The following CCDC81 variants were observed in gnomAD, a reference collection of about 807,000 sequenced individuals.
CCDC81 encodes the protein coiled-coil domain containing 81, also known as coiled-coil domain-containing protein 81.
CCDC81 carries 79 observed loss-of-function variants against 83.7 expected under a neutral mutation model. That is an observed-to-expected ratio of 0.94 (90% CI 0.79 to 1.14). The LOEUF (loss-of-function observed/expected upper bound fraction) is 1.14. Ranked by LOEUF, CCDC81 falls within the 50% of genes most tolerant of loss-of-function variation. The pLI, the probability that CCDC81 is intolerant of heterozygous loss-of-function variation, is 0.00. For missense variants in CCDC81, 791 were observed against 778.1 expected, an observed-to-expected ratio of 1.02 and a Z score of -0.20; for synonymous variants, 252 against 278.1, an observed-to-expected ratio of 0.91 and a Z score of 0.93.
chr11:86,411,103 C>T (rs889083443), intron 10 of CCDC81, among the ~76,000 whole-genome samples: 5 of 152,206 alleles, frequency 3.3e-5, no homozygotes, highest in African/African-American at 4.8e-5. Flanking sequence ...CCACTGGCCT[C>T]CCATTGAGTT....
At chr11:86,381,499 CTCTTGGTGTTG>C (rs1273953975) in intron 1 of CCDC81, among the ~76,000 whole-genome samples, 3 of 152,154 alleles carry the variant, frequency 2.0e-5, no homozygotes, top group African/African-American at 7.2e-5. Context: ...GAGGTTTTAA[CTCTTGGTGTTG>C]TCCACACTGA....
rs373579337 is a variant in CCDC81 at position 86,422,403 on chromosome 11, C to G, written c.1818-171C>G. 7.2e-5 allele frequency among the ~76,000 whole-genome samples: 11 copies of G among 152,078 alleles called. No individual in the cohort carries two copies. In the East Asian group the frequency reaches 7.7e-4, roughly 11 times the overall value. ...TTTTTATTTAGTAGAGAACGACAAG[C>G]CAGCAGAAGTCTGGAAGCAGGGGAT... On this transcript the variant is annotated intron_variant, in intron 14 of 14. Coordinates refer to ENST00000445632, the MANE Select transcript of CCDC81 (RefSeq NM_001156474.2).
chr11:86,393,803 G>C (rs1948367244), intron 4 of CCDC81, among the ~76,000 whole-genome samples: 1 of 152,170 alleles, frequency 6.6e-6, no homozygotes. Flanking sequence ...TACTTAGTGT[G>C]CCTCAGGTAC....
intron 6 of CCDC81, 32 bp downstream of exon 6, chr11:86,397,774 ACTCTTTACTGCTAT>A (rs1254751339): frequency 5.6e-6 from 9 of 1,601,940 alleles, no homozygotes; most frequent in Non-Finnish European, 7.7e-6. Flanking sequence ...CCAATCTGTC[ACTCTTTACTGCTAT>A]GAGCCCAGCC....
intron 1 of CCDC81, among the ~76,000 whole-genome samples, chr11:86,384,927 T>A (rs1487730969): frequency 6.6e-6 from 1 of 152,236 alleles, no homozygotes; most frequent in African/African-American, 2.4e-5. Flanking sequence ...AACACTTTCA[T>A]TATTGGCAAC....
intron 11 of CCDC81, 157 bp from the exon 12 acceptor site, chr11:86,414,632 C>T (rs1948690320): frequency 1.7e-6 from 1 of 599,810 alleles, no homozygotes; most frequent in South Asian, 2.3e-5. Flanking sequence ...TTACTCTTTT[C>T]TTTCTTAAAA....
intron 2 of CCDC81, among the ~76,000 whole-genome samples, chr11:86,386,454 G>A (rs150217194): frequency 4.0e-4 from 61 of 152,336 alleles, no homozygotes; most frequent in African/African-American, 1.5e-3. Context: ...CATAGCTATA[G>A]AAGGATATAA....
At chr11:86,389,004 G>A (rs1194315638) in intron 3 of CCDC81, among the ~76,000 whole-genome samples, 1 of 152,056 alleles carries the variant, frequency 6.6e-6, no homozygotes, top group East Asian at 1.9e-4. Context: ...GGCCGGGCAT[G>A]GTGGCACATG....
At chr11:86,401,638 G>C (rs1285662854) in intron 7 of CCDC81, among the ~76,000 whole-genome samples, 2 of 152,008 alleles carry the variant, frequency 1.3e-5, no homozygotes, top group African/African-American at 4.8e-5. Flanking sequence ...AATATTCTAG[G>C]CACTGAAGAT....
intron 1 of CCDC81, among the ~76,000 whole-genome samples, chr11:86,376,990 G>A (rs945613556): frequency 1.3e-5 from 2 of 152,030 alleles, no homozygotes; most frequent in South Asian, 2.1e-4. Flanking sequence ...ATCTTTCCAC[G>A]GTCTTCATAG....
At chr11:86,416,710 T>C (rs1282652082) in intron 13 of CCDC81, among the ~76,000 whole-genome samples, 1 of 152,192 alleles carries the variant, frequency 6.6e-6, no homozygotes, top group African/African-American at 2.4e-5. Flanking sequence ...TATTTACATA[T>C]TCTTTACTGG....
intron 6 of CCDC81, 74 bp from the exon 7 acceptor site, chr11:86,400,604 C>T (rs1948472520): frequency 1.4e-6 from 2 of 1,421,968 alleles, no homozygotes; most frequent in East Asian, 2.3e-5. Context: ...GAAAATTTCC[C>T]TTGGTAAAAA....
At chr11:86,390,374 G>C (rs766895880) in intron 3 of CCDC81, among the ~76,000 whole-genome samples, 9 of 152,158 alleles carry the variant, frequency 5.9e-5, no homozygotes, top group Non-Finnish European at 1.3e-4. Context: ...TGAGGCATAT[G>C]ATTGTGGAGG....
chr11:86,407,388 G>A (rs1045200048), intron 7 of CCDC81, among the ~76,000 whole-genome samples: 23 of 152,124 alleles, frequency 1.5e-4, no homozygotes, highest in African/African-American at 5.3e-4. Context: ...TTACACAGCT[G>A]GTCTGATGTC....
At chr11:86,414,932 T>A (rs1948695581) in intron 12 of CCDC81, 65 bp downstream of exon 12, 9 of 1,438,198 alleles carry the variant, frequency 6.3e-6, no homozygotes, top group African/African-American at 1.4e-5. Flanking sequence ...CTAAAATATG[T>A]GTAAGTTGTT....
At chr11:86,391,410 A>C (rs1948327863) in intron 3 of CCDC81, among the ~76,000 whole-genome samples, 1 of 152,054 alleles carries the variant, frequency 6.6e-6, no homozygotes, top group Admixed American at 6.6e-5. Flanking sequence ...TTATCAGTGG[A>C]CCTTGTTGTT....
intron 1 of CCDC81, among the ~76,000 whole-genome samples, chr11:86,385,310 G>A (rs749911603): frequency 3.3e-5 from 5 of 152,090 alleles, no homozygotes; most frequent in Non-Finnish European, 7.4e-5. Context: ...GTTTGAACCC[G>A]GGAGGCGGAG....
intron 7 of CCDC81, among the ~76,000 whole-genome samples, chr11:86,402,846 G>A (rs1034621784): frequency 6.6e-6 from 1 of 151,308 alleles, no homozygotes; most frequent in Non-Finnish European, 1.5e-5. Flanking sequence ...TTTTTGTTTT[G>A]TTTTGTTTTT....
Position 86,392,801 on chromosome 11 carries a change from A to C in CCDC81, c.555+4A>C, listed in dbSNP as rs1225251863. On this transcript the variant is annotated splice_donor_region_variant and intron_variant, in intron 4 of 14. Transcript: ENST00000445632. ...TTTGGCAAAGGCCCTAGCAAATGTA[A>C]ATTAATATTTTCCTTCTCCTAAGTC... The C allele has an allele frequency of 5.8e-6, 9 of 1,546,278 alleles. No homozygotes were observed. In the East Asian group the frequency reaches 2.2e-4, roughly 38 times the overall value.
Sources: gnomAD v4.1 joint callset for allele counts (sites outside exome capture counted in the v4.1 genomes callset) on GRCh38, gnomAD v4.1.1 for gene constraint, MANE v1.5 for transcripts, NCBI Gene and HGNC (gene_info 2026-07-23, HGNC 2026-07-21) for gene names.